AFF2: variants seen among roughly 807,000 people sequenced by gnomAD.
AFF2 encodes ALF transcription elongation factor 2.
A neutral mutation model predicts 76.9 loss-of-function variants in AFF2; 14 were observed. The ratio of observed to expected loss-of-function variants is 0.18; its 90% CI spans 0.12 to 0.28. The LOEUF is 0.28. AFF2 is among the 10% of genes least tolerant of loss of function. The probability of loss-of-function intolerance (pLI) is 1.00; values close to 1 mark genes in which losing one functional copy is unlikely to be tolerated. For synonymous variants in AFF2, 398 were observed against 366.7 expected (o/e 1.09, Z -0.98); for missense variants, 868 against 1,001.1 (o/e 0.87, Z 1.79).
chrX:148,635,368 G>A (rs147985954), intron 1 of AFF2, among the ~76,000 whole-genome samples: 146 of 111,371 alleles, frequency 1.3e-3, no homozygotes, highest in African/African-American at 4.6e-3. Flanking sequence ...GCTGGAAGAG[G>A]CAAGGATATG....
chrX:148,998,959 C>G lies in AFF2; in HGVS notation c.*7627C>G, dbSNP rs1457519779. 9.1e-6 allele frequency: 1 copy of G among 110,300 alleles called. No homozygotes were observed. The highest frequency in any genetic ancestry group is 3.3e-5 in the African/African-American group (1 of 30,224). The allele number at this position is 110,300 out of a possible 1,213,427, so 9.1% of individuals were successfully genotyped here. A position where few individuals can be genotyped will look rare whatever the true frequency, so the allele number is the denominator to read the frequency against. On this transcript the variant is annotated 3_prime_UTR_variant, in exon 21 of 21. Coordinates refer to ENST00000370460, the MANE Select transcript of AFF2 (RefSeq NM_002025.4). ...GAGTCTTTGATAAATCTGCATTAGA[C>G]CAGGCTATATGCTAGGAATGAAATC... is the stretch of plus-strand genomic sequence containing the variant.
At chrX:148,917,373 A>C (rs2124252268) in intron 9 of AFF2, among the ~76,000 whole-genome samples, 1 of 112,477 alleles carries the variant, frequency 8.9e-6, no homozygotes, top group Non-Finnish European at 1.9e-5. Context: ...GATAGAAGTC[A>C]AATTTTCATA....
chrX:148,747,812 G>T (rs919616192), intron 3 of AFF2, among the ~76,000 whole-genome samples: 1 of 111,448 alleles, frequency 9.0e-6, no homozygotes, highest in Non-Finnish European at 1.9e-5. Context: ...TCAGTAACGG[G>T]CTGAAAAGTT....
intron 3 of AFF2, among the ~76,000 whole-genome samples, chrX:148,711,206 C>T (rs1557262877): frequency 9.0e-6 from 1 of 111,557 alleles, no homozygotes; most frequent in East Asian, 2.8e-4. Context: ...AGAACAAAGG[C>T]TAGAATCCAA....
intron 3 of AFF2, among the ~76,000 whole-genome samples, chrX:148,726,598 G>A (rs1226719049): frequency 8.9e-6 from 1 of 111,765 alleles, no homozygotes; most frequent in Non-Finnish European, 1.9e-5. Flanking sequence ...ACCCCATTTG[G>A]CAGGGTGAGA....
chrX:148,512,301 G>C (rs138924543), intron 1 of AFF2, among the ~76,000 whole-genome samples: 1,557 of 112,170 alleles, frequency 0.014, 12 homozygotes, highest in South Asian at 0.022. Flanking sequence ...CAGACTGTAA[G>C]TGGTAAAACT....
chrX:148,705,260 G>C lies in AFF2; in HGVS notation c.1041+42492G>C, dbSNP rs140805039. Among the ~76,000 whole-genome samples, 59 of 111,804 alleles carry C rather than the reference G, an allele frequency of 5.3e-4. 1 individual carries two copies. The East Asian group carries it at 8.4e-3, about 16-fold the overall frequency. On this transcript the variant is annotated intron_variant, in intron 3 of 20. Coordinates refer to ENST00000370460, the MANE Select transcript of AFF2 (RefSeq NM_002025.4). ...CAGTGAGTATGTCATAAATGTTTGT[G>C]AATCAAGTCAACTGGAATCAAATGG...
intron 1 of AFF2, among the ~76,000 whole-genome samples, chrX:148,508,250 A>T (rs959556076): frequency 8.9e-6 from 1 of 112,316 alleles, no homozygotes; most frequent in African/African-American, 3.2e-5. Flanking sequence ...TGAAAACCAG[A>T]TCTCAGTAGC....
chrX:148,500,932 C>T lies in AFF2; in HGVS notation c.-166C>T, dbSNP rs1173983305. On this transcript the variant is annotated 5_prime_UTR_variant, in exon 1 of 21. Transcript: ENST00000370460. ...CCTCGCCGGAGCACAGGACCAGACA[C>T]CTCCAGCGCCCGCTGCTGCTGCCGA... The T allele has an allele frequency of 1.7e-6, 1 of 591,263 alleles. No individual in the cohort carries two copies. The highest frequency in any genetic ancestry group is 2.5e-6 in the Non-Finnish European group (1 of 400,244). The allele number at this position is 591,263 out of a possible 1,213,427, so 48.7% of individuals were successfully genotyped here.
chrX:148,751,911 C>A (rs1387332384), intron 3 of AFF2, among the ~76,000 whole-genome samples: 2 of 112,110 alleles, frequency 1.8e-5, no homozygotes, highest in African/African-American at 3.2e-5. Context: ...GTTCCAGAGG[C>A]TGAGAAGTCC....
At chrX:148,647,257 G>A (rs1557255579) in intron 1 of AFF2, among the ~76,000 whole-genome samples, 1 of 112,388 alleles carries the variant, frequency 8.9e-6, no homozygotes, top group East Asian at 2.8e-4. Flanking sequence ...GAAAACAAGT[G>A]AGGCTGAATT....
chrX:148,713,535 A>G (rs2054993407), intron 3 of AFF2, among the ~76,000 whole-genome samples: 1 of 111,956 alleles, frequency 8.9e-6, no homozygotes, highest in Non-Finnish European at 1.9e-5. Flanking sequence ...TTTACAGAAA[A>G]TACCTTCAGC....
At chrX:148,583,373 T>TA (rs1226573238) in intron 1 of AFF2, among the ~76,000 whole-genome samples, 2 of 111,532 alleles carry the variant, frequency 1.8e-5, no homozygotes, top group Non-Finnish European at 3.8e-5. Context: ...GTGATTTTTT[T>TA]AAAAATAGGC....
At chrX:148,581,130 T>TGTATATGTATATATACAC (rs1569551600) in intron 1 of AFF2, among the ~76,000 whole-genome samples, 3 of 97,903 alleles carry the variant, frequency 3.1e-5, no homozygotes, top group Admixed American at 1.1e-4. Context: ...CACATATACG[T>TGTATATGTATATATACAC]ATACGTATAC....
At chrX:148,523,222 T>A (rs2052620463) in intron 1 of AFF2, among the ~76,000 whole-genome samples, 1 of 112,496 alleles carries the variant, frequency 8.9e-6, no homozygotes, top group Admixed American at 9.4e-5. Context: ...TGATTAAATT[T>A]ATTTATTTTC....
rs2070544233 is a variant in AFF2 at position 148,837,687 on chromosome X, A to G, written c.1127A>G (p.His376Arg). Reference protein sequence around the residue: ...HSWPTPLTSMHTAGHSEQSTF... With the variant: ...HSWPTPLTSMRTAGHSEQSTF... ...TGGCCTACTCCTCTCACTTCCATGC[A>G]TACTGCTGGACACTCTGAGCAGAGC... Residue 376 changes from histidine (H) to arginine (R), a missense_variant, in exon 5 of 21, where the codon CAT (histidine) becomes CGT (arginine). Coordinates refer to ENST00000370460, the MANE Select transcript of AFF2 (RefSeq NM_002025.4). 8.3e-7 allele frequency: 1 copy of G among 1,200,388 alleles called. No homozygotes were observed. Among genetic ancestry groups the G allele is most frequent in the Non-Finnish European group, 1.1e-6 (1 of 887,043 alleles).
chrX:148,858,580 TA>T (rs1557276122), intron 7 of AFF2, among the ~76,000 whole-genome samples: 2 of 111,304 alleles, frequency 1.8e-5, no homozygotes, highest in Non-Finnish European at 3.8e-5. Flanking sequence ...TTGTATAGGA[TA>T]AAAAAGCAAA....
chrX:148,532,848 G>A (rs2052743994), intron 1 of AFF2, among the ~76,000 whole-genome samples: 1 of 111,764 alleles, frequency 8.9e-6, no homozygotes, highest in Admixed American at 9.5e-5. Context: ...GAGCCTGGAT[G>A]TGTGTGTATG....
rs547280434 is a variant in AFF2 at position 148,877,082 on chromosome X, G to T, written c.1263-8807G>T. ...GTCTTCAGTCATCTGGCCTCTTTTG[G>T]TTGGTATCCTCCTTTTTGGTGTGTG... On this transcript the variant is annotated intron_variant, in intron 7 of 20. Coordinates refer to ENST00000370460, the MANE Select transcript of AFF2 (RefSeq NM_002025.4). Among the ~76,000 whole-genome samples, 8 of 112,116 alleles carry T rather than the reference G, an allele frequency of 7.1e-5. No homozygotes were observed. The South Asian group carries it at 2.3e-3, about 32-fold the overall frequency.
Sources: allele counts gnomAD v4.1 joint callset (sites outside exome capture counted in the v4.1 genomes callset), GRCh38; gene constraint gnomAD v4.1.1; transcripts MANE v1.5; gene names NCBI Gene and HGNC (gene_info 2026-07-23, HGNC 2026-07-21).